The following CPNE4 variants were observed in gnomAD, a reference collection of about 807,000 sequenced individuals.
CPNE4 encodes copine-4.
A neutral mutation model predicts 67.9 loss-of-function variants in CPNE4; 25 were observed. The ratio of observed to expected loss-of-function variants is 0.37; its 90% CI spans 0.27 to 0.51. The LOEUF (loss-of-function observed/expected upper bound fraction) is 0.51, where lower values mean the gene tolerates loss of function less well. Ranked by LOEUF, CPNE4 falls within the 20% of genes least tolerant of loss-of-function variation. CPNE4 has a pLI of 0.93. For missense variants in CPNE4, 464 were observed against 690.8 expected, an observed-to-expected ratio of 0.67 and a Z score of 3.68; for synonymous variants, 242 against 244.9, an observed-to-expected ratio of 0.99 and a Z score of 0.11.
intron 1 of CPNE4, among the ~76,000 whole-genome samples, chr3:131,996,967 A>T (rs1481486099): frequency 6.6e-6 from 1 of 152,096 alleles, no homozygotes; most frequent in East Asian, 1.9e-4. Flanking sequence ...CAACACTGAG[A>T]ACTCTTACAT....
intron 8 of CPNE4, among the ~76,000 whole-genome samples, chr3:131,585,630 C>T: frequency 6.6e-6 from 1 of 152,066 alleles, no homozygotes; most frequent in East Asian, 1.9e-4. Flanking sequence ...CCCATATTTA[C>T]TGCTTGGACT....
intron 6 of CPNE4, among the ~76,000 whole-genome samples, chr3:131,670,816 GT>G (rs1260776682): frequency 1.1e-4 from 3 of 28,406 alleles, no homozygotes; most frequent in Non-Finnish European, 2.1e-4. Context: ...GGAATTTTTT[GT>G]TTTTTTTTTT....
At chr3:131,976,147 A>T (rs74736836) in intron 1 of CPNE4, among the ~76,000 whole-genome samples, 4,773 of 150,396 alleles carry the variant, frequency 0.032, 124 homozygotes, top group Admixed American at 0.047. Context: ...CCTGTAAAAC[A>T]TTCTACCTTA....
chr3:131,537,415 T>C lies in CPNE4; in HGVS notation c.1540-2086A>G, dbSNP rs183124462. Among the ~76,000 whole-genome samples the C allele has an allele frequency of 7.4e-3, 1,123 of 151,946 alleles. 4 individuals carry two copies. Among genetic ancestry groups the C allele is most frequent in the Middle Eastern group, 0.017 (5 of 294 alleles). ...TCTCCTGCTTCAGCCTCCAGAGTAG[T>C]TGAGATTACAGGTGCCCACCACCGT... On this transcript the variant is annotated intron_variant, in intron 15 of 15. Coordinates refer to ENST00000429747, the MANE Select transcript of CPNE4 (RefSeq NM_130808.3).
intron 2 of CPNE4, among the ~76,000 whole-genome samples, chr3:131,785,511 T>G (rs1381658764): frequency 6.6e-6 from 1 of 152,112 alleles, no homozygotes. Context: ...CTATTTCCAT[T>G]CTTTCTTATT....
intron 6 of CPNE4, among the ~76,000 whole-genome samples, chr3:131,679,012 T>C (rs561870548): frequency 5.9e-5 from 9 of 152,298 alleles, no homozygotes; most frequent in African/African-American, 1.7e-4. Context: ...GTACCAACTA[T>C]TTTTTGTGTA....
chr3:131,920,899 C>G (rs2070724798), intron 1 of CPNE4, among the ~76,000 whole-genome samples: 1 of 152,164 alleles, frequency 6.6e-6, no homozygotes, highest in Non-Finnish European at 1.5e-5. Context: ...GAGCTTGTCA[C>G]TGATACTGCC....
At chr3:131,951,624 A>G (rs2071724038) in intron 1 of CPNE4, among the ~76,000 whole-genome samples, 1 of 151,762 alleles carries the variant, frequency 6.6e-6, no homozygotes. Context: ...CAGAAGCTGG[A>G]CTGTACTGCT....
chr3:131,748,850 CT>C (rs1455096686), intron 2 of CPNE4, among the ~76,000 whole-genome samples: 1 of 152,010 alleles, frequency 6.6e-6, no homozygotes, highest in African/African-American at 2.4e-5. Flanking sequence ...TGTGTCTTCT[CT>C]CTTTTTTTAT....
In CPNE4 at chr3:131,820,924, A is replaced by G. The variant is rs1365161890; in HGVS notation, c.180+84340T>C. Among the ~76,000 whole-genome samples, 6 of 152,320 alleles carry G rather than the reference A, an allele frequency of 3.9e-5. No individual in the cohort carries two copies. The East Asian group carries it at 9.7e-4, about 25-fold the overall frequency. ...GCCACACCATTCCTATGCCTGTCCAACATCAACTCAATCCATCAACAAGTA... is the reference window on the plus strand; with the variant it reads ...GCCACACCATTCCTATGCCTGTCCAGCATCAACTCAATCCATCAACAAGTA... On this transcript the variant is annotated intron_variant, in intron 2 of 15. Coordinates refer to ENST00000429747, the MANE Select transcript of CPNE4 (RefSeq NM_130808.3).
chr3:131,792,912 T>A (rs2083813733), intron 2 of CPNE4, among the ~76,000 whole-genome samples: 1 of 92,050 alleles, frequency 1.1e-5, no homozygotes, highest in Non-Finnish European at 2.3e-5. Context: ...TGTGTGTGTG[T>A]GTGTGTGTGT....
chr3:131,612,005 C>G (rs1404670359), intron 7 of CPNE4, among the ~76,000 whole-genome samples: 3 of 152,116 alleles, frequency 2.0e-5, no homozygotes, highest in South Asian at 4.1e-4. Context: ...CCTGTGATAG[C>G]TATTTGTAAC....
At chr3:131,669,793 T>C in intron 6 of CPNE4, 29 bp from the exon 7 acceptor site, 1 of 1,529,498 alleles carries the variant, frequency 6.5e-7, no homozygotes. Context: ...GAGTGGTGAG[T>C]GGGGGAGAAA....
intron 7 of CPNE4, among the ~76,000 whole-genome samples, chr3:131,648,242 T>C (rs2079715732): frequency 1.3e-5 from 2 of 152,172 alleles, no homozygotes; most frequent in African/African-American, 4.8e-5. Context: ...TGTGATGGCA[T>C]GCATCTGTAG....
At chr3:131,761,363 G>C (rs962183689) in intron 2 of CPNE4, among the ~76,000 whole-genome samples, 2 of 151,894 alleles carry the variant, frequency 1.3e-5, no homozygotes, top group African/African-American at 2.4e-5. Flanking sequence ...CTACAGCCAT[G>C]AGCTATGAGC....
intron 2 of CPNE4, among the ~76,000 whole-genome samples, chr3:131,900,194 T>C (rs1441756213): frequency 6.6e-6 from 1 of 152,058 alleles, no homozygotes; most frequent in Admixed American, 6.6e-5. Flanking sequence ...TATGAATAGA[T>C]ACTTCTCAGA....
chr3:131,723,120 A>G (rs2081927725), intron 3 of CPNE4, among the ~76,000 whole-genome samples: 1 of 152,212 alleles, frequency 6.6e-6, no homozygotes, highest in Non-Finnish European at 1.5e-5. Flanking sequence ...GAAACAGGAT[A>G]AGGCTATAAC....
chr3:131,965,482 C>T (rs1436062807), intron 1 of CPNE4, among the ~76,000 whole-genome samples: 2 of 152,160 alleles, frequency 1.3e-5, no homozygotes, highest in South Asian at 2.1e-4. Flanking sequence ...GGAGACCCAT[C>T]TCACATGCAA....
chr3:131,779,297 A>G (rs1408358806), intron 2 of CPNE4, among the ~76,000 whole-genome samples: 1 of 152,108 alleles, frequency 6.6e-6, no homozygotes, highest in Non-Finnish European at 1.5e-5. Context: ...TTCCTATCAA[A>G]CTACCAACAT....
Sources: gnomAD v4.1 joint callset for allele counts (sites outside exome capture counted in the v4.1 genomes callset) on GRCh38, gnomAD v4.1.1 for gene constraint, MANE v1.5 for transcripts, NCBI Gene and HGNC (gene_info 2026-07-23, HGNC 2026-07-21) for gene names.